Variants in MRM1 observed in about 807,000 individuals in gnomAD.
MRM1 encodes the protein rRNA methyltransferase 1, mitochondrial.
MRM1 carries 24 observed loss-of-function variants against 25.0 expected under a neutral mutation model. That is an observed-to-expected ratio of 0.96 (90% CI 0.69 to 1.35). MRM1 has a LOEUF of 1.35. Ranked by LOEUF, MRM1 falls within the 40% of genes most tolerant of loss-of-function variation. The pLI, the probability that MRM1 is intolerant of heterozygous loss-of-function variation, is 0.00. For missense variants in MRM1, 431 were observed against 464.1 expected, an observed-to-expected ratio of 0.93 and a Z score of 0.65; for synonymous variants, 188 against 199.2, an observed-to-expected ratio of 0.94 and a Z score of 0.47.
At chr17:36,606,439 G>A (rs1191034865) in intron 2 of MRM1, among the ~76,000 whole-genome samples, 1 of 150,582 alleles carries the variant, frequency 6.6e-6, no homozygotes, top group Non-Finnish European at 1.5e-5. Context: ...TTTGAGATGG[G>A]GGTCTCACTC....
intron 2 of MRM1, chr17:36,603,152 A>C (rs2074895951): frequency 2.0e-6 from 2 of 984,926 alleles, no homozygotes; most frequent in Admixed American, 6.2e-5. Context: ...TGCATATGGA[A>C]TCCCCTCTGA....
chr17:36,632,135 C>A, the MRM1 span, among the ~76,000 whole-genome samples: 1 of 152,144 alleles, frequency 6.6e-6, no homozygotes, highest in South Asian at 2.1e-4. Flanking sequence ...GATTACAGCT[C>A]CACACCTGGC....
At chr17:36,605,106 C>T (rs1456663689) in intron 2 of MRM1, among the ~76,000 whole-genome samples, 2 of 151,356 alleles carry the variant, frequency 1.3e-5, no homozygotes, top group Non-Finnish European at 2.9e-5. Context: ...CAGCGTTGCA[C>T]TCCAGCCTGG....
the MRM1 span, among the ~76,000 whole-genome samples, chr17:36,619,530 T>TACAAAAA: frequency 6.6e-6 from 1 of 152,092 alleles, no homozygotes; most frequent in Admixed American, 6.6e-5. Flanking sequence ...TAGCCAGGTG[T>TACAAAAA]GGTAGCGCAT....
At chr17:36,633,054 A>T in the MRM1 span, among the ~76,000 whole-genome samples, 1 of 152,230 alleles carries the variant, frequency 6.6e-6, no homozygotes, top group Non-Finnish European at 1.5e-5. Flanking sequence ...AGGCTGAATT[A>T]TTTGGATAAT....
chr17:36,626,367 T>C, the MRM1 span, among the ~76,000 whole-genome samples: 1 of 152,132 alleles, frequency 6.6e-6, no homozygotes, highest in East Asian at 1.9e-4. Flanking sequence ...TTGAGTGGCT[T>C]TTTTTGTTTG....
downstream of MRM1, among the ~76,000 whole-genome samples, chr17:36,613,896 C>A (rs2074991745): frequency 6.6e-6 from 1 of 152,068 alleles, no homozygotes; most frequent in Non-Finnish European, 1.5e-5. Context: ...CTACCTTAGG[C>A]AAGTCACTTA....
the MRM1 span, among the ~76,000 whole-genome samples, chr17:36,616,677 C>G: frequency 2.0e-5 from 3 of 152,286 alleles, no homozygotes; most frequent in Middle Eastern, 3.4e-3. Flanking sequence ...TTGTTATGCA[C>G]TTACCATGGG....
the MRM1 span, among the ~76,000 whole-genome samples, chr17:36,620,316 A>C: frequency 6.6e-6 from 1 of 151,956 alleles, no homozygotes; most frequent in Non-Finnish European, 1.5e-5. Flanking sequence ...GTGGGAGGGA[A>C]TGGTCAGGGA....
chr17:36,613,621 G>A (rs576720666), downstream of MRM1, among the ~76,000 whole-genome samples: 44 of 152,294 alleles, frequency 2.9e-4, no homozygotes, highest in African/African-American at 1.1e-3. Context: ...GTACACATGT[G>A]GAAGCGGAGA....
At position 36,602,530 on chromosome 17, in the gene MRM1, C is replaced by G. The variant is rs182503250; in HGVS notation, c.543-23C>G. 1 of 1,613,946 alleles carries G rather than the reference C, an allele frequency of 6.2e-7. No individual in the cohort carries two copies. Among genetic ancestry groups the G allele is most frequent in the Non-Finnish European group, 8.5e-7 (1 of 1,179,876 alleles). On this transcript the variant is annotated intron_variant, in intron 1 of 4. Coordinates refer to ENST00000614766, the MANE Select transcript of MRM1 (RefSeq NM_024864.5). The surrounding 1 kb of genome is among the most constrained non-coding windows in gnomAD (Gnocchi z 4.1). ...GGGCTTGAGATGGCCCAGCCTAATG[C>G]GGGGAACGGGGAAACCTTGCAGCTG... is the stretch of plus-strand genomic sequence containing the variant.
At chr17:36,630,226 ACACT>A in the MRM1 span, among the ~76,000 whole-genome samples, 1 of 152,134 alleles carries the variant, frequency 6.6e-6, no homozygotes, top group Non-Finnish European at 1.5e-5. Flanking sequence ...GGCCCAGTAA[ACACT>A]CAGTGCTGTT....
chr17:36,622,498 G>A, the MRM1 span, among the ~76,000 whole-genome samples: 4 of 151,852 alleles, frequency 2.6e-5, no homozygotes, highest in Non-Finnish European at 5.9e-5. Context: ...CTTGAACCCA[G>A]GAGGCAGAGG....
chr17:36,625,985 G>GC, the MRM1 span, among the ~76,000 whole-genome samples: 20 of 148,630 alleles, frequency 1.3e-4, no homozygotes, highest in African/African-American at 4.2e-4. Flanking sequence ...CTCCAGCCAT[G>GC]CCCCCCCGCC....
At chr17:36,616,016 AACG>A in the MRM1 span, among the ~76,000 whole-genome samples, 2 of 145,820 alleles carry the variant, frequency 1.4e-5, no homozygotes, top group African/African-American at 2.6e-5. Flanking sequence ...CAACAACAAC[AACG>A]ACAACAAAAC....
intron 4 of MRM1, 73 bp downstream of exon 4, chr17:36,608,091 A>G: frequency 6.4e-7 from 1 of 1,565,360 alleles, no homozygotes; most frequent in Middle Eastern, 1.7e-4. Context: ...CTCTAATCCC[A>G]TTTGCTGGCT....
At chr17:36,616,882 G>A in the MRM1 span, among the ~76,000 whole-genome samples, 1 of 152,066 alleles carries the variant, frequency 6.6e-6, no homozygotes, top group Admixed American at 6.6e-5. Context: ...ACTATGCCCA[G>A]CTGATTAAAA....
downstream of MRM1, among the ~76,000 whole-genome samples, chr17:36,613,235 AC>A (rs2074987299): frequency 6.6e-6 from 1 of 151,422 alleles, no homozygotes; most frequent in African/African-American, 2.4e-5. Flanking sequence ...TAGACAGCAC[AC>A]CTCCCACCCC....
rs1201851658 is a variant in MRM1 at position 36,602,560 on chromosome 17, C to T, written c.550C>T (p.Leu184Phe). Reference protein sequence around the residue: ...VITSRRNSCPLTPVVSKSSAG... With the variant: ...VITSRRNSCPFTPVVSKSSAG... Reference sequence around the variant, plus strand: ...AACGGGGAAACCTTGCAGCTGCCCGCTCACTCCAGTAGTCAGCAAGTCCAG... The same window carrying T: ...AACGGGGAAACCTTGCAGCTGCCCGTTCACTCCAGTAGTCAGCAAGTCCAG... The change falls in exon 2 of 5, where the codon CTC (leucine) becomes TTC (phenylalanine). Residue 184 changes from leucine (L) to phenylalanine (F), a missense_variant. By Grantham distance (22) the Leu-to-Phe change is conservative. Transcript: ENST00000614766. This position sits in a 1 kb window ranked among gnomAD's most constrained non-coding sequence, Gnocchi z 4.1. 1.2e-6 allele frequency: 2 copies of T among 1,614,186 alleles called. No individual in the cohort carries two copies. The highest frequency in any genetic ancestry group is 8.5e-7 in the Non-Finnish European group (1 of 1,180,038).
Sources: gnomAD v4.1 joint callset for allele counts (sites outside exome capture counted in the v4.1 genomes callset) on GRCh38, gnomAD v4.1.1 for gene constraint, Gnocchi (gnomAD v3.1) non-coding constraint, MANE v1.5 for transcripts, NCBI Gene and HGNC (gene_info 2026-07-23, HGNC 2026-07-21) for gene names.